Variants in GPC5 observed in about 807,000 individuals in gnomAD.
GPC5 encodes glypican 5.
Under a neutral mutation model 53.9 loss-of-function variants are expected in GPC5, and 47 were observed. The observed-to-expected ratio is 0.87, with a 90% CI of 0.69 to 1.11. The LOEUF (loss-of-function observed/expected upper bound fraction) is 1.11, where lower values mean the gene tolerates loss of function less well. Among genes scored for constraint, GPC5 ranks in the 50% most tolerant of loss-of-function variants. GPC5 has a pLI of 0.00. For missense variants in GPC5, 748 were observed against 713.1 expected (o/e 1.05, Z -0.56); for synonymous variants, 286 against 263.3 (o/e 1.09, Z -0.84).
intron 5 of GPC5, among the ~76,000 whole-genome samples, chr13:91,837,636 G>A (rs543239795): frequency 1.5e-4 from 23 of 152,272 alleles, no homozygotes; most frequent in African/African-American, 5.1e-4. Context: ...GGTAAATTTT[G>A]TGTAACTTCT....
At chr13:91,979,098 T>C (rs1044712213) in intron 6 of GPC5, among the ~76,000 whole-genome samples, 2 of 152,202 alleles carry the variant, frequency 1.3e-5, no homozygotes, top group African/African-American at 4.8e-5. Flanking sequence ...TTAATTCTAA[T>C]GCTTTTGTTA....
At chr13:91,555,800 C>G (rs545981217) in intron 2 of GPC5, among the ~76,000 whole-genome samples, 1 of 152,086 alleles carries the variant, frequency 6.6e-6, no homozygotes, top group Non-Finnish European at 1.5e-5. Context: ...AGAATGAGAA[C>G]CAAATGAAAG....
chr13:91,635,839 T>A (rs1002032846), intron 2 of GPC5, among the ~76,000 whole-genome samples: 2 of 152,142 alleles, frequency 1.3e-5, no homozygotes, highest in African/African-American at 2.4e-5. Flanking sequence ...GGGATTTTAT[T>A]GAATTTATAG....
In GPC5 at chr13:91,679,719, C is replaced by T. The variant is rs141141523; in HGVS notation, c.326-13468C>T. On this transcript the variant is annotated intron_variant, in intron 2 of 7. Coordinates refer to ENST00000377067, the MANE Select transcript of GPC5 (RefSeq NM_004466.6). ...CTCCACAAATTCACATTTTTAAAAGCCATTGCATTTAAGAAAGTCCAGATA... is the reference window on the plus strand; with the variant it reads ...CTCCACAAATTCACATTTTTAAAAGTCATTGCATTTAAGAAAGTCCAGATA... 9.8e-3 allele frequency among the ~76,000 whole-genome samples: 1,488 copies of T among 152,202 alleles called. 34 individuals are homozygous for T. Among genetic ancestry groups the T allele is most frequent in the Admixed American group, 0.051 (774 of 15,278 alleles).
chr13:91,797,860 C>T (rs918255521), intron 5 of GPC5, among the ~76,000 whole-genome samples: 5 of 152,248 alleles, frequency 3.3e-5, no homozygotes, highest in South Asian at 2.1e-4. Context: ...AAAAGAGCAC[C>T]GTGAGATTCA....
At chr13:92,339,245 C>T (rs565030983) in intron 7 of GPC5, among the ~76,000 whole-genome samples, 1 of 151,526 alleles carries the variant, frequency 6.6e-6, no homozygotes, top group African/African-American at 2.4e-5. Context: ...TCCAATGTTT[C>T]TTTATGCTTG....
chr13:92,244,301 A>G (rs1038753204), intron 7 of GPC5, among the ~76,000 whole-genome samples: 5 of 152,214 alleles, frequency 3.3e-5, no homozygotes, highest in African/African-American at 9.6e-5. Flanking sequence ...GATTTCCAGA[A>G]GAGTAAACTT....
At chr13:92,429,606 C>A (rs993503336) in intron 7 of GPC5, among the ~76,000 whole-genome samples, 1 of 151,854 alleles carries the variant, frequency 6.6e-6, no homozygotes, top group African/African-American at 2.4e-5. Context: ...AAATGGTCAG[C>A]ACCATTTTCA....
At chr13:92,532,626 T>C (rs1011852497) in intron 7 of GPC5, among the ~76,000 whole-genome samples, 44 of 152,144 alleles carry the variant, frequency 2.9e-4, no homozygotes, top group African/African-American at 1.0e-3. Context: ...ATCTCTTTCC[T>C]TTTCATTTTA....
chr13:92,671,965 G>A (rs1213545368), intron 7 of GPC5, among the ~76,000 whole-genome samples: 2 of 152,154 alleles, frequency 1.3e-5, no homozygotes, highest in East Asian at 3.9e-4. Flanking sequence ...AAAACTCATT[G>A]CAAAATCATT....
intron 2 of GPC5, among the ~76,000 whole-genome samples, chr13:91,599,390 A>G (rs2033102737): frequency 6.6e-6 from 1 of 152,158 alleles, no homozygotes; most frequent in Admixed American, 6.5e-5. Context: ...ATCTTATCAT[A>G]AATCAAGCCT....
chr13:92,122,303 C>CT (rs2041656727), intron 6 of GPC5, among the ~76,000 whole-genome samples: 2 of 144,118 alleles, frequency 1.4e-5, no homozygotes, highest in African/African-American at 5.3e-5. Context: ...TTTTTTTAAT[C>CT]TGCTGGCCCT....
intron 6 of GPC5, among the ~76,000 whole-genome samples, chr13:92,038,806 A>T (rs2040918768): frequency 6.6e-6 from 1 of 152,158 alleles, no homozygotes; most frequent in Non-Finnish European, 1.5e-5. Flanking sequence ...GAATGCAAAC[A>T]GAGAAGTGAA....
chr13:91,614,787 A>G (rs2033651611), intron 2 of GPC5, among the ~76,000 whole-genome samples: 1 of 152,166 alleles, frequency 6.6e-6, no homozygotes, highest in Non-Finnish European at 1.5e-5. Context: ...CGATGTTTAT[A>G]ATGGCAAATT....
At position 92,491,748 on chromosome 13, in the gene GPC5, G is replaced by A. The variant is rs192846774; in HGVS notation, c.1561+346759G>A. 1.1e-4 allele frequency among the ~76,000 whole-genome samples: 17 copies of A among 152,150 alleles called. No individual in the cohort carries two copies. In the East Asian group the frequency reaches 3.3e-3, roughly 29 times the overall value. On this transcript the variant is annotated intron_variant, in intron 7 of 7. Transcript: ENST00000377067. ...TTACTCTAAAAATTAAGCAGTACAT[G>A]CCCAAACTGTTGATTTTTTTCAGAC...
chr13:91,832,084 G>T (rs1051642583), intron 5 of GPC5, among the ~76,000 whole-genome samples: 1 of 151,968 alleles, frequency 6.6e-6, no homozygotes, highest in African/African-American at 2.4e-5. Flanking sequence ...CTATTATTGT[G>T]TGGGAGTTTA....
intron 7 of GPC5, among the ~76,000 whole-genome samples, chr13:92,828,812 G>T (rs1287514456): frequency 6.6e-6 from 1 of 152,032 alleles, no homozygotes; most frequent in Non-Finnish European, 1.5e-5. Flanking sequence ...AGACAGAGTG[G>T]CATAATAAAC....
chr13:91,802,096 T>G (rs2038145517), intron 5 of GPC5, among the ~76,000 whole-genome samples: 1 of 152,234 alleles, frequency 6.6e-6, no homozygotes, highest in Admixed American at 6.5e-5. Flanking sequence ...AGACATAGTG[T>G]GTCTGGAATT....
chr13:92,552,815 T>C (rs1882363267), intron 7 of GPC5, among the ~76,000 whole-genome samples: 1 of 151,992 alleles, frequency 6.6e-6, no homozygotes, highest in Non-Finnish European at 1.5e-5. Context: ...TTCATTGATA[T>C]GTCCTTAGTT....
Sources: allele counts gnomAD v4.1 joint callset (sites outside exome capture counted in the v4.1 genomes callset), GRCh38; gene constraint gnomAD v4.1.1; transcripts MANE v1.5; gene names NCBI Gene and HGNC (gene_info 2026-07-23, HGNC 2026-07-21).